Variants in MLLT3 observed in about 807,000 individuals in gnomAD.
MLLT3 encodes the protein protein AF-9.
MLLT3 carries 4 observed loss-of-function variants against 53.2 expected under a neutral mutation model. The observed-to-expected ratio is 0.08, with a 90% confidence interval of 0.04 to 0.17. The LOEUF (loss-of-function observed/expected upper bound fraction) is 0.17, where lower values mean the gene tolerates loss of function less well. Among genes scored for constraint, MLLT3 ranks in the 10% least tolerant of loss-of-function variants. MLLT3 has a pLI of 1.00. For synonymous variants in MLLT3, 283 were observed against 230.6 expected (o/e 1.23, Z -2.06); for missense variants, 569 against 684.0 (o/e 0.83, Z 1.87).
chr9:20,578,864 T>C (rs1161594730), intron 2 of MLLT3, among the ~76,000 whole-genome samples: 5 of 152,290 alleles, frequency 3.3e-5, no homozygotes, highest in African/African-American at 9.6e-5. Flanking sequence ...TATTTATAGA[T>C]ATGTTAAGTG....
chr9:20,527,316 G>C (rs1412514457), intron 2 of MLLT3, among the ~76,000 whole-genome samples: 2 of 152,146 alleles, frequency 1.3e-5, no homozygotes, highest in East Asian at 3.9e-4. Context: ...CTCAGAATGA[G>C]CCTTATTCCT....
chr9:20,408,347 T>C (rs1348264717), intron 5 of MLLT3, among the ~76,000 whole-genome samples: 5 of 151,990 alleles, frequency 3.3e-5, no homozygotes, highest in African/African-American at 1.2e-4. Context: ...GAACAGCTGG[T>C]TGGCAAGGCT....
intron 2 of MLLT3, among the ~76,000 whole-genome samples, chr9:20,603,904 A>T (rs1245021864): frequency 6.6e-6 from 1 of 152,112 alleles, no homozygotes; most frequent in East Asian, 1.9e-4. Flanking sequence ...TCTTGATTAC[A>T]TGAAAATCTT....
At chr9:20,472,437 C>T (rs1186198446) in intron 2 of MLLT3, among the ~76,000 whole-genome samples, 1 of 152,000 alleles carries the variant, frequency 6.6e-6, no homozygotes, top group Non-Finnish European at 1.5e-5. Context: ...GAAATAAGGG[C>T]TTATCCTCAA....
intron 2 of MLLT3, among the ~76,000 whole-genome samples, chr9:20,590,170 G>T (rs1157888774): frequency 6.6e-6 from 1 of 152,158 alleles, no homozygotes; most frequent in East Asian, 1.9e-4. Context: ...TTCCAGAGCT[G>T]TAATTACACA....
intron 2 of MLLT3, chr9:20,533,147 C>T: frequency 3.6e-6 from 1 of 274,660 alleles, no homozygotes; most frequent in South Asian, 4.0e-5. Context: ...CACAGGAAGA[C>T]CTGCACCACC....
chr9:20,376,193 T>C (rs1821761000), intron 5 of MLLT3, among the ~76,000 whole-genome samples: 1 of 152,214 alleles, frequency 6.6e-6, no homozygotes, highest in Non-Finnish European at 1.5e-5. Flanking sequence ...CCTTTATTGC[T>C]AGACACCTAC....
chr9:20,354,053 G>A (rs1821102640), intron 9 of MLLT3, among the ~76,000 whole-genome samples: 1 of 152,148 alleles, frequency 6.6e-6, no homozygotes, highest in Non-Finnish European at 1.5e-5. Context: ...TAAGTCAGGG[G>A]AATTTTGTGG....
intron 10 of MLLT3, among the ~76,000 whole-genome samples, chr9:20,349,884 G>C (rs930517236): frequency 2.6e-5 from 4 of 152,200 alleles, no homozygotes; most frequent in Admixed American, 2.0e-4. Context: ...GAGCCCACAA[G>C]AATACATCAA....
At chr9:20,462,216 C>T (rs946380929) in intron 2 of MLLT3, among the ~76,000 whole-genome samples, 1 of 152,176 alleles carries the variant, frequency 6.6e-6, no homozygotes, top group African/African-American at 2.4e-5. Flanking sequence ...AAAGCACACA[C>T]AAAAAGATTC....
At chr9:20,592,626 A>AG (rs1167648386) in intron 2 of MLLT3, among the ~76,000 whole-genome samples, 2 of 152,212 alleles carry the variant, frequency 1.3e-5, no homozygotes, top group Admixed American at 6.5e-5. Context: ...GTGCATGGGT[A>AG]GGGGGCACAT....
chr9:20,596,417 T>C (rs1405051942), intron 2 of MLLT3, among the ~76,000 whole-genome samples: 3 of 152,300 alleles, frequency 2.0e-5, no homozygotes, highest in African/African-American at 7.2e-5. Context: ...TGGCCAGGCA[T>C]GGTGGCACAC....
chr9:20,448,970 A>C lies in MLLT3; in HGVS notation c.277-704T>G, dbSNP rs896130680. On this transcript the variant is annotated intron_variant, in intron 3 of 10. Transcript: ENST00000380338. This position sits in a 1 kb window ranked among gnomAD's most constrained non-coding sequence, Gnocchi z 4.0. ...CCCAGTACCTACTGTGTTCTAGGTT[A>C]CCTCTGGTTTCATTCTTGCTTTGCA... 1.4e-4 allele frequency among the ~76,000 whole-genome samples: 21 copies of C among 151,982 alleles called. No individual in the cohort carries two copies. The highest frequency in any genetic ancestry group is 2.8e-4 in the Non-Finnish European group (19 of 67,988).
At chr9:20,525,606 A>G (rs1412478302) in intron 2 of MLLT3, among the ~76,000 whole-genome samples, 1 of 152,186 alleles carries the variant, frequency 6.6e-6, no homozygotes, top group African/African-American at 2.4e-5. Flanking sequence ...CAGTATCCCC[A>G]CTACACATGC....
intron 7 of MLLT3, among the ~76,000 whole-genome samples, chr9:20,362,227 A>C (rs1420429594): frequency 2.6e-5 from 4 of 152,202 alleles, no homozygotes; most frequent in Admixed American, 6.5e-5. Context: ...ACAAACCTAC[A>C]TGATGACCAC....
chr9:20,420,335 A>G (rs113548938), intron 4 of MLLT3, among the ~76,000 whole-genome samples: 1 of 152,338 alleles, frequency 6.6e-6, no homozygotes, highest in African/African-American at 2.4e-5. Flanking sequence ...AAAGACAAAG[A>G]TCAGATAAAG....
Position 20,365,734 on chromosome 9 carries a change from G to C in MLLT3, c.1136C>G (p.Pro379Arg), listed in dbSNP as rs760036227. The change falls in exon 6 of 11, where the codon CCC becomes CGC. Residue 379 changes from proline (P) to arginine (R), a missense_variant. Pro to Arg is a moderately radical substitution (Grantham distance 103, BLOSUM62 -2). This residue lies in a region of MLLT3 where 437 missense variants were observed against 376.5 expected (regional missense o/e 1.16). Transcript: ENST00000380338. The stretch of plus-strand genomic sequence containing the variant: ...GCTGGAGCTGGAGCTGGCAGGACTG[G>C]GTTGTTCAGACTTTAAAGAAGAATA... ...NISSKSDSEQPSPASSSSSSS... is the reference protein window; with the variant it reads ...NISSKSDSEQRSPASSSSSSS... 5.0e-6 allele frequency: 8 copies of C among 1,614,000 alleles called. No individual in the cohort carries two copies. Among genetic ancestry groups the C allele is most frequent in the Non-Finnish European group, 6.8e-6 (8 of 1,180,030 alleles).
rs1424515631 is a variant in MLLT3 at position 20,532,299 on chromosome 9, T to TA, written c.194-75514dup. On this transcript the variant is annotated intron_variant, in intron 2 of 10. Coordinates refer to ENST00000380338, the MANE Select transcript of MLLT3 (RefSeq NM_004529.4). ...GTTAGAAATACATTATGGAAAAATG[T>TA]AAAAAAATAGGAAAAAAAAATATAT... Among the ~76,000 whole-genome samples, 6 of 139,872 alleles carry TA rather than the reference T, an allele frequency of 4.3e-5. 1 individual carries two copies. Among genetic ancestry groups the TA allele is most frequent in the African/African-American group, 8.2e-5 (3 of 36,486 alleles). The allele number at this position is 139,872 out of a possible 152,430, so 91.8% of individuals were successfully genotyped here. A position where few individuals can be genotyped will look rare whatever the true frequency, so the allele number is the denominator to read the frequency against.
chr9:20,449,322 G>C (rs1381204401), intron 3 of MLLT3, among the ~76,000 whole-genome samples: 1 of 152,112 alleles, frequency 6.6e-6, no homozygotes, highest in East Asian at 1.9e-4. Flanking sequence ...AATAAGAATG[G>C]AATTTTTCTG....
Sources: gnomAD v4.1 joint callset for allele counts (sites outside exome capture counted in the v4.1 genomes callset) on GRCh38, gnomAD v4.1.1 for gene constraint, gnomAD v4.1.1 regional missense constraint, Gnocchi (gnomAD v3.1) non-coding constraint, MANE v1.5 for transcripts, NCBI Gene and HGNC (gene_info 2026-07-23, HGNC 2026-07-21) for gene names.